SEMA3D: variants seen among roughly 807,000 people sequenced by gnomAD.
SEMA3D encodes semaphorin 3D.
A neutral mutation model predicts 100.1 loss-of-function variants in SEMA3D; 84 were observed. The ratio of observed to expected loss-of-function variants is 0.84; its 90% CI spans 0.70 to 1.01. The LOEUF (loss-of-function observed/expected upper bound fraction) is 1.01, where lower values mean the gene tolerates loss of function less well. SEMA3D is among the 50% of genes least tolerant of loss of function. The probability of loss-of-function intolerance (pLI) is 0.00; values close to 1 mark genes in which losing one functional copy is unlikely to be tolerated. For missense variants in SEMA3D, 875 were observed against 934.1 expected (o/e 0.94, Z 0.82); for synonymous variants, 312 against 320.7 (o/e 0.97, Z 0.29).
chr7:85,029,115 C>T, intron 12 of SEMA3D: 1 of 602,488 alleles, frequency 1.7e-6, no homozygotes, highest in Non-Finnish European at 3.1e-6. Flanking sequence ...CCTTCACTAC[C>T]TACTCTGACA....
intron 1 of SEMA3D, among the ~76,000 whole-genome samples, chr7:85,182,581 G>T: frequency 6.6e-6 from 1 of 152,038 alleles, no homozygotes; most frequent in East Asian, 1.9e-4. Context: ...AAAAAGTAAA[G>T]AATACAAATG....
chr7:85,140,480 T>A (rs2116459844), intron 2 of SEMA3D: 2 of 982,026 alleles, frequency 2.0e-6, no homozygotes, highest in African/African-American at 3.5e-5. Flanking sequence ...ATGTACAGGA[T>A]CACTTACATT....
the SEMA3D span, among the ~76,000 whole-genome samples, chr7:85,249,244 A>T: frequency 6.6e-6 from 1 of 152,200 alleles, no homozygotes; most frequent in Non-Finnish European, 1.5e-5. Flanking sequence ...CCCAAAACAT[A>T]TAATCCCAGT....
the SEMA3D span, among the ~76,000 whole-genome samples, chr7:85,212,757 T>G: frequency 1.3e-5 from 2 of 152,114 alleles, no homozygotes; most frequent in Admixed American, 1.3e-4. Context: ...TTTATAGATT[T>G]ATATTAGTGT....
At chr7:85,088,218 G>A (rs111741660) in intron 4 of SEMA3D, among the ~76,000 whole-genome samples, 1 of 152,070 alleles carries the variant, frequency 6.6e-6, no homozygotes, top group Non-Finnish European at 1.5e-5. Context: ...TAATTATTCA[G>A]TGTTAGGCAA....
chr7:85,094,680 T>C (rs575812115), intron 4 of SEMA3D, among the ~76,000 whole-genome samples: 6 of 152,082 alleles, frequency 3.9e-5, no homozygotes, highest in African/African-American at 1.2e-4. Context: ...ATGTGATCAC[T>C]TCTGGTTCTG....
the SEMA3D span, among the ~76,000 whole-genome samples, chr7:85,249,424 A>G: frequency 1.3e-5 from 2 of 152,242 alleles, no homozygotes; most frequent in African/African-American, 2.4e-5. Context: ...GGAAAAACTA[A>G]GAAAATCTGG....
the SEMA3D span, among the ~76,000 whole-genome samples, chr7:85,211,125 C>A: frequency 6.6e-6 from 1 of 152,052 alleles, no homozygotes; most frequent in African/African-American, 2.4e-5. Context: ...AATTATCAAT[C>A]CTCTTTAACC....
At chr7:85,053,881 CAAT>C (rs1791235698) in intron 9 of SEMA3D, among the ~76,000 whole-genome samples, 1 of 151,802 alleles carries the variant, frequency 6.6e-6, no homozygotes, top group Admixed American at 6.6e-5. Flanking sequence ...TAACCAAGAA[CAAT>C]AGCATGACAG....
At chr7:85,124,246 TGTTA>T (rs1010348332) in intron 2 of SEMA3D, among the ~76,000 whole-genome samples, 1 of 152,014 alleles carries the variant, frequency 6.6e-6, no homozygotes, top group Non-Finnish European at 1.5e-5. Context: ...AGTTTCAACT[TGTTA>T]GTTAGAATAC....
chr7:85,029,194 C>T, intron 12 of SEMA3D: 1 of 690,408 alleles, frequency 1.4e-6, no homozygotes, highest in Admixed American at 1.9e-5. Flanking sequence ...GTACCTCCTG[C>T]ACACCATGGT....
intron 3 of SEMA3D, among the ~76,000 whole-genome samples, chr7:85,099,974 A>C (rs1788694228): frequency 6.6e-6 from 1 of 151,942 alleles, no homozygotes; most frequent in African/African-American, 2.4e-5. Context: ...TCCAGTCTGC[A>C]GCTTGTCTTT....
At chr7:85,143,096 A>G (rs1790103405) in intron 2 of SEMA3D, 6 of 947,034 alleles carry the variant, frequency 6.3e-6, no homozygotes, top group Non-Finnish European at 6.3e-6. Flanking sequence ...CACAATAATG[A>G]CAATGAGTAC....
intron 1 of SEMA3D, among the ~76,000 whole-genome samples, chr7:85,173,824 C>G (rs192159928): frequency 1.3e-3 from 192 of 152,200 alleles, no homozygotes; most frequent in Non-Finnish European, 2.3e-3. Flanking sequence ...TAAGAGCTGA[C>G]AGAGCTAGTA....
Position 85,018,290 on chromosome 7 carries a change from AGTG to A in SEMA3D, c.1504_1506del (p.His502del). On this transcript the variant is annotated inframe_deletion and splice_region_variant, in exon 15 of 19. Transcript: ENST00000284136. ...AATTCCATGTTCAAGATGATTGATG[AGTG>A]CTGAAAATAGAAGTTAAATGTCAAT... The A allele has an allele frequency of 1.3e-6, 2 of 1,586,552 alleles. No individual in the cohort carries two copies. The highest frequency in any genetic ancestry group is 1.7e-6 in the Non-Finnish European group (2 of 1,156,492).
intron 3 of SEMA3D, among the ~76,000 whole-genome samples, chr7:85,118,951 C>A (rs569011655): frequency 6.6e-6 from 1 of 151,880 alleles, no homozygotes; most frequent in African/African-American, 2.4e-5. Flanking sequence ...GGGCAAAGGA[C>A]ATGAACAGAC....
At chr7:85,184,423 T>TA (rs1394992843) in intron 1 of SEMA3D, among the ~76,000 whole-genome samples, 2 of 152,156 alleles carry the variant, frequency 1.3e-5, no homozygotes, top group Admixed American at 1.3e-4. Flanking sequence ...TTTTAAGAAT[T>TA]ACGGTTCTTC....
chr7:85,228,761 C>A, the SEMA3D span, among the ~76,000 whole-genome samples: 2 of 151,914 alleles, frequency 1.3e-5, no homozygotes, highest in Non-Finnish European at 2.9e-5. Flanking sequence ...TCATGAAAGT[C>A]ATAAGAGAAT....
At chr7:85,039,969 CTTTTTTT>C (rs776990536) in intron 11 of SEMA3D, among the ~76,000 whole-genome samples, 32 of 90,624 alleles carry the variant, frequency 3.5e-4, no homozygotes, top group South Asian at 7.0e-4. Flanking sequence ...TACGCAAACA[CTTTTTTT>C]TTTTTTTTTT....
Sources: allele counts gnomAD v4.1 joint callset (sites outside exome capture counted in the v4.1 genomes callset), GRCh38; gene constraint gnomAD v4.1.1; transcripts MANE v1.5; gene names NCBI Gene and HGNC (gene_info 2026-07-23, HGNC 2026-07-21).